The following NAXD variants were observed in gnomAD, a reference collection of about 807,000 sequenced individuals.
NAXD encodes NAD(P)HX dehydratase, also known as ATP-dependent (S)-NAD(P)H-hydrate dehydratase.
In NAXD, 22 loss-of-function variants were observed where a neutral mutation model predicts 35.8. The observed-to-expected ratio is 0.62, with a 90% CI of 0.44 to 0.88. The LOEUF (loss-of-function observed/expected upper bound fraction) is 0.88, where lower values mean the gene tolerates loss of function less well. Ranked by LOEUF, NAXD falls within the 40% of genes least tolerant of loss-of-function variation. The pLI, the probability that NAXD is intolerant of heterozygous loss-of-function variation, is 0.00. For missense variants in NAXD, 428 were observed against 437.7 expected, an observed-to-expected ratio of 0.98 and a Z score of 0.20; for synonymous variants, 189 against 177.6, an observed-to-expected ratio of 1.06 and a Z score of -0.51.
At chr13:110,631,301 A>T (rs1886686849) in intron 5 of NAXD, among the ~76,000 whole-genome samples, 1 of 152,196 alleles carries the variant, frequency 6.6e-6, no homozygotes, top group South Asian at 2.1e-4. Flanking sequence ...CAGTGTATTT[A>T]GTTCATTTAC....
chr13:110,631,980 C>A (rs1886709752), intron 5 of NAXD, among the ~76,000 whole-genome samples: 1 of 152,218 alleles, frequency 6.6e-6, no homozygotes, highest in Non-Finnish European at 1.5e-5. Flanking sequence ...GTTTTCAATA[C>A]TTTAAATTAT....
intron 5 of NAXD, among the ~76,000 whole-genome samples, chr13:110,627,748 C>T (rs1366527624): frequency 3.3e-5 from 5 of 152,182 alleles, no homozygotes; most frequent in African/African-American, 4.8e-5. Flanking sequence ...TCTCCGGGCC[C>T]GACTGTTTTC....
intron 9 of NAXD, chr13:110,637,914 G>C (rs1360625816): frequency 3.9e-6 from 2 of 511,362 alleles, no homozygotes; most frequent in Non-Finnish European, 7.6e-6. Context: ...TGAGAGCCGA[G>C]GAGGTAGGGG....
chr13:110,625,304 G>C (rs182048321), intron 4 of NAXD, 26 bp downstream of exon 4: 2 of 1,521,338 alleles, frequency 1.3e-6, no homozygotes, highest in South Asian at 2.2e-5. Context: ...CCGGCTTCTC[G>C]TAGGTTCTCT....
intron 5 of NAXD, among the ~76,000 whole-genome samples, chr13:110,633,290 G>C (rs886127495): frequency 2.0e-5 from 3 of 152,134 alleles, no homozygotes; most frequent in Non-Finnish European, 4.4e-5. Flanking sequence ...GTCCCTCATT[G>C]CCCCGGGCCA....
intron 5 of NAXD, among the ~76,000 whole-genome samples, chr13:110,629,138 C>T (rs546684943): frequency 1.3e-4 from 20 of 152,064 alleles, no homozygotes; most frequent in African/African-American, 3.9e-4. Context: ...ACTTCGTCGA[C>T]GTTCCTGAAT....
intron 1 of NAXD, among the ~76,000 whole-genome samples, chr13:110,616,742 T>G (rs1400918806): frequency 6.6e-6 from 1 of 152,228 alleles, no homozygotes; most frequent in Admixed American, 6.5e-5. Flanking sequence ...GTTATCCACC[T>G]TGGTATAGAA....
intron 3 of NAXD, 88 bp downstream of exon 3, chr13:110,624,367 G>T: frequency 1.2e-6 from 1 of 854,688 alleles, no homozygotes; most frequent in Non-Finnish European, 2.0e-6. Context: ...TTTTCTGATA[G>T]AAATCTAAAT....
At chr13:110,637,693 G>T in intron 9 of NAXD, 1 of 452,926 alleles carries the variant, frequency 2.2e-6, no homozygotes, top group Admixed American at 2.4e-5. Flanking sequence ...TGTAGTCAGA[G>T]AACTTTATGA....
At chr13:110,625,352 C>A in intron 4 of NAXD, 74 bp downstream of exon 4, 2 of 960,684 alleles carry the variant, frequency 2.1e-6, no homozygotes, top group East Asian at 2.5e-5. Flanking sequence ...GCACTGACAC[C>A]GAAAGCGTCC....
At chr13:110,622,444 G>A in intron 2 of NAXD, 78 bp downstream of exon 2, 1 of 1,461,030 alleles carries the variant, frequency 6.8e-7, no homozygotes, top group Non-Finnish European at 9.5e-7. Flanking sequence ...CATTCACGCT[G>A]TCTAGTTTGA....
chr13:110,633,162 C>T (rs113257991), intron 5 of NAXD, among the ~76,000 whole-genome samples: 30,238 of 152,050 alleles, frequency 0.2, 3,439 homozygotes, highest in African/African-American at 0.32. Context: ...CTGCAGGTCC[C>T]GAGCCCTGCC....
At position 110,638,240 on chromosome 13, in the gene NAXD, A is replaced by T; in HGVS notation, c.840-138A>T. ...GCTGTGATAAACCTGCTTTCTCCTC[A>T]GGGGCATATCAGACTTGAAATTGAC... is the stretch of plus-strand genomic sequence containing the variant. On this transcript the variant is annotated intron_variant, in intron 9 of 9. Transcript: ENST00000680254. This position sits in a 1 kb window ranked among gnomAD's most constrained non-coding sequence, Gnocchi z 5.4. 1.3e-6 allele frequency: 2 copies of T among 1,555,288 alleles called. No individual in the cohort carries two copies. The highest frequency in any genetic ancestry group is 1.7e-6 in the Non-Finnish European group (2 of 1,151,958).
At chr13:110,621,998 C>T (rs1173455938) in intron 1 of NAXD, among the ~76,000 whole-genome samples, 1 of 152,034 alleles carries the variant, frequency 6.6e-6, no homozygotes, top group Non-Finnish European at 1.5e-5. Context: ...CCACTGCACT[C>T]CAGCCTGGGT....
intron 1 of NAXD, 87 bp downstream of exon 1, chr13:110,615,734 C>T: frequency 6.7e-7 from 1 of 1,494,218 alleles, no homozygotes; most frequent in Non-Finnish European, 8.9e-7. Context: ...TCGCATTGCT[C>T]TCGGCCGCAC....
intron 5 of NAXD, among the ~76,000 whole-genome samples, chr13:110,632,315 C>T (rs563656811): frequency 6.6e-6 from 1 of 152,176 alleles, no homozygotes; most frequent in Non-Finnish European, 1.5e-5. Flanking sequence ...ACTGTTACAG[C>T]TCATAAAAGC....
chr13:110,635,860 C>G (rs970247937), intron 8 of NAXD, among the ~76,000 whole-genome samples: 4 of 152,276 alleles, frequency 2.6e-5, no homozygotes, highest in African/African-American at 9.6e-5. Flanking sequence ...TTATGAGAAG[C>G]AGTCTGGCGG....
intron 8 of NAXD, among the ~76,000 whole-genome samples, chr13:110,636,687 G>C (rs892321596): frequency 3.9e-5 from 6 of 152,258 alleles, no homozygotes; most frequent in African/African-American, 1.4e-4. Context: ...GAGGCCGGTG[G>C]AGGCCTCGCT....
chr13:110,628,701 A>T lies in NAXD; in HGVS notation c.441+1154A>T, dbSNP rs1886590602. On this transcript the variant is annotated intron_variant, in intron 5 of 9. Transcript: ENST00000680254. The surrounding 1 kb of genome is among the most constrained non-coding windows in gnomAD (Gnocchi z 4.1). ...TCTTACCCGCTCACCGGGAAGGAGG[A>T]GGTGGCCATGTTTAGGAGCAGTAGA... Among the ~76,000 whole-genome samples the T allele has an allele frequency of 6.6e-6, 1 of 151,878 alleles. No homozygotes were observed. The highest frequency in any genetic ancestry group is 2.4e-5 in the African/African-American group (1 of 41,312).
Sources: gnomAD v4.1 joint callset for allele counts (sites outside exome capture counted in the v4.1 genomes callset) on GRCh38, gnomAD v4.1.1 for gene constraint, Gnocchi (gnomAD v3.1) non-coding constraint, MANE v1.5 for transcripts, NCBI Gene and HGNC (gene_info 2026-07-23, HGNC 2026-07-21) for gene names.